The following NUP205 variants were observed in gnomAD, a reference collection of about 807,000 sequenced individuals.
The protein encoded by NUP205 is nucleoporin 205, also known as nuclear pore complex protein Nup205.
A neutral mutation model predicts 253.8 loss-of-function variants in NUP205; 76 were observed. The observed-to-expected ratio is 0.30, with a 90% CI of 0.25 to 0.36. The LOEUF (loss-of-function observed/expected upper bound fraction) is 0.36. Ranked by LOEUF, NUP205 falls within the 10% of genes least tolerant of loss-of-function variation. The pLI is 1.00. For synonymous variants in NUP205, 832 were observed against 850.1 expected, an observed-to-expected ratio of 0.98 and a Z score of 0.37; for missense variants, 2,162 against 2,425.5, an observed-to-expected ratio of 0.89 and a Z score of 2.28.
chr7:135,562,887 C>A (rs1455461715), intron 1 of NUP205, among the ~76,000 whole-genome samples: 3 of 152,170 alleles, frequency 2.0e-5, no homozygotes, highest in Non-Finnish European at 4.4e-5. Context: ...GTGTGATGAT[C>A]TTGCCAAACC....
At chr7:135,565,780 C>G (rs1390409578) in intron 1 of NUP205, among the ~76,000 whole-genome samples, 1 of 152,174 alleles carries the variant, frequency 6.6e-6, no homozygotes, top group Non-Finnish European at 1.5e-5. Context: ...ACTAGAACAC[C>G]ATTTTCCTAC....
At chr7:135,618,884 CA>C (rs147408843) in intron 28 of NUP205, among the ~76,000 whole-genome samples, 3,790 of 152,122 alleles carry the variant, frequency 0.025, 79 homozygotes, top group Middle Eastern at 0.099. Flanking sequence ...ATGTGAATTT[CA>C]AAAAGAAAAC....
intron 2 of NUP205, among the ~76,000 whole-genome samples, chr7:135,573,002 G>C (rs768475966): frequency 7.0e-6 from 1 of 141,940 alleles, no homozygotes; most frequent in Non-Finnish European, 1.5e-5. Context: ...AAGAACCCCA[G>C]CCTGGGAACC....
intron 31 of NUP205, among the ~76,000 whole-genome samples, chr7:135,623,852 G>A (rs1794525654): frequency 6.6e-6 from 1 of 152,076 alleles, no homozygotes; most frequent in Non-Finnish European, 1.5e-5. Context: ...GCGCAATCTC[G>A]GCTCACTGCA....
chr7:135,570,788 T>TAG (rs35185893), intron 1 of NUP205, among the ~76,000 whole-genome samples: 1 of 48,970 alleles, frequency 2.0e-5, no homozygotes, highest in African/African-American at 8.8e-5. Context: ...TTAATTATAT[T>TAG]TATATATTAT....
rs1384176682 is a variant in NUP205, at chr7:135,594,764, A to G, written c.2013+35A>G. On this transcript the variant is annotated intron_variant, in intron 13 of 42. Coordinates refer to ENST00000285968, the MANE Select transcript of NUP205 (RefSeq NM_015135.3). ...TGAAGTCCCTTATTTATATTATCCC[A>G]ATGTGGAAAGTTGGGCTTGATAATA... The G allele has an allele frequency of 2.0e-6, 3 of 1,524,650 alleles. No individual in the cohort carries two copies. In the South Asian group the frequency reaches 3.7e-5, roughly 19 times the overall value. The allele number at this position is 1,524,650 out of a possible 1,614,324, so 94.4% of individuals were successfully genotyped here.
chr7:135,580,465 A>G (rs1806274243), intron 7 of NUP205, among the ~76,000 whole-genome samples: 3 of 152,002 alleles, frequency 2.0e-5, no homozygotes, highest in South Asian at 2.1e-4. Flanking sequence ...GATAGTTAAT[A>G]TCTTCTTTTT....
chr7:135,578,615 G>A (rs2129489881), intron 6 of NUP205, 136 bp from the exon 7 acceptor site: 1 of 579,132 alleles, frequency 1.7e-6, no homozygotes, highest in East Asian at 3.0e-5. Flanking sequence ...CTTTTGGGAT[G>A]TAGAAATTAA....
intron 19 of NUP205, 25 bp from the exon 20 acceptor site, chr7:135,606,120 A>AT (rs773500061): frequency 5.8e-5 from 86 of 1,495,536 alleles, no homozygotes; most frequent in Non-Finnish European, 7.5e-5. Context: ...ATAATTTGTC[A>AT]TTTTTTACCT....
At chr7:135,563,387 C>T (rs1291773413) in intron 1 of NUP205, among the ~76,000 whole-genome samples, 4 of 152,018 alleles carry the variant, frequency 2.6e-5, no homozygotes, top group Non-Finnish European at 5.9e-5. Flanking sequence ...CGGGGTTTCG[C>T]TGTGTTGGCC....
intron 36 of NUP205, among the ~76,000 whole-genome samples, chr7:135,636,842 T>A (rs1293768036): frequency 6.6e-6 from 1 of 151,966 alleles, no homozygotes; most frequent in African/African-American, 2.4e-5. Flanking sequence ...TCCATCTCTA[T>A]TAAAAATACA....
At chr7:135,591,278 T>C (rs779203074) in intron 10 of NUP205, among the ~76,000 whole-genome samples, 172 bp from the exon 11 acceptor site, 20 of 152,256 alleles carry the variant, frequency 1.3e-4, no homozygotes, top group Non-Finnish European at 2.2e-4. Flanking sequence ...ATTAAATTGC[T>C]AATGACAAGC....
intron 38 of NUP205, among the ~76,000 whole-genome samples, chr7:135,640,840 G>A (rs1459801644): frequency 6.6e-6 from 1 of 152,110 alleles, no homozygotes; most frequent in Non-Finnish European, 1.5e-5. Context: ...AAATTAGACT[G>A]GACATGTAAA....
chr7:135,577,425 C>G (rs1196950503), intron 5 of NUP205, among the ~76,000 whole-genome samples: 1 of 152,122 alleles, frequency 6.6e-6, no homozygotes, highest in Non-Finnish European at 1.5e-5. Context: ...ATTCACTGTA[C>G]TACTGTTTGA....
At chr7:135,616,535 G>T (rs931622315) in intron 24 of NUP205, 120 bp from the exon 25 acceptor site, 3 of 496,936 alleles carry the variant, frequency 6.0e-6, no homozygotes, top group Non-Finnish European at 1.0e-5. Flanking sequence ...TTTGCACAGG[G>T]CTCTTTGATG....
chr7:135,558,137 G>GCGA (rs1013931428), intron 1 of NUP205, 165 bp downstream of exon 1: 2 of 664,466 alleles, frequency 3.0e-6, no homozygotes, highest in African/African-American at 3.6e-5. Context: ...TTTGAATGGC[G>GCGA]CGCGTCGGTG....
intron 33 of NUP205, 57 bp downstream of exon 33, chr7:135,626,418 A>G (rs1794591144): frequency 1.3e-6 from 2 of 1,543,688 alleles, no homozygotes; most frequent in African/African-American, 2.8e-5. Context: ...TATTAAGGGA[A>G]GAAAAAATTC....
At chr7:135,643,131 T>C (rs1794944957) in intron 38 of NUP205, 61 bp from the exon 39 acceptor site, 1 of 1,508,108 alleles carries the variant, frequency 6.6e-7, no homozygotes, top group African/African-American at 1.4e-5. Flanking sequence ...AAACAGGTCA[T>C]TTGAAATTCA....
At chr7:135,558,227 TCA>T in intron 1 of NUP205, 1 of 540,092 alleles carries the variant, frequency 1.9e-6, no homozygotes, top group Non-Finnish European at 3.3e-6. Flanking sequence ...GTGTAATCTC[TCA>T]CAGCCCAGGG....
Sources: allele counts gnomAD v4.1 joint callset (sites outside exome capture counted in the v4.1 genomes callset), GRCh38; gene constraint gnomAD v4.1.1; transcripts MANE v1.5; gene names NCBI Gene and HGNC (gene_info 2026-07-23, HGNC 2026-07-21).